The following IRX2 variants were observed in gnomAD, a reference collection of about 807,000 sequenced individuals.
The protein encoded by IRX2 is iroquois-class homeodomain protein IRX-2.
A neutral mutation model predicts 42.9 loss-of-function variants in IRX2; 26 were observed. That is an observed-to-expected ratio of 0.61 (90% CI 0.44 to 0.84). The LOEUF (loss-of-function observed/expected upper bound fraction) is 0.84. Among genes scored for constraint, IRX2 ranks in the 40% least tolerant of loss-of-function variants. The probability of loss-of-function intolerance (pLI) is 0.00; values close to 1 mark genes in which losing one functional copy is unlikely to be tolerated. For missense variants in IRX2, 782 were observed against 713.9 expected, an observed-to-expected ratio of 1.10 and a Z score of -1.09; for synonymous variants, 424 against 353.9, an observed-to-expected ratio of 1.20 and a Z score of -2.22.
the IRX2 span, among the ~76,000 whole-genome samples, chr5:2,735,670 A>T: frequency 1.3e-5 from 2 of 152,226 alleles, no homozygotes; most frequent in African/African-American, 4.8e-5. Flanking sequence ...AACATACAAC[A>T]TGTATAAACA....
chr5:2,743,750 G>C (rs764175965), downstream of IRX2, among the ~76,000 whole-genome samples: 12 of 147,452 alleles, frequency 8.1e-5, no homozygotes, highest in Non-Finnish European at 1.8e-4. Flanking sequence ...TCCAGTGAAA[G>C]ATATCTCTCT....
chr5:2,751,196 G>T lies in IRX2; in HGVS notation c.218C>A (p.Ala73Asp), dbSNP rs968302962. The change falls in exon 1 of 4, where the codon GCC becomes GAC. Residue 73 changes from alanine (A) to aspartate (D), a missense_variant. Coordinates refer to ENST00000302057, the MANE Select transcript of IRX2 (RefSeq NM_033267.5). The surrounding 1 kb of genome is among the most constrained non-coding windows in gnomAD (Gnocchi z 4.0). ...GGACGGGAAGCCGGCGGCGGCGGCGGCGGCGTCGGCCGAGTACTGCAGCGG... is the reference window on the plus strand; with the variant it reads ...GGACGGGAAGCCGGCGGCGGCGGCGTCGGCGTCGGCCGAGTACTGCAGCGG... ...GSPLQYSADA[A>D]AAAAGFPSYM... The T allele has an allele frequency of 8.7e-6, 11 of 1,271,502 alleles. 1 individual carries two copies. The South Asian group carries it at 9.8e-5, about 11-fold the overall frequency. The allele number at this position is 1,271,502 out of a possible 1,614,324, so 78.8% of individuals were successfully genotyped here. A position where few individuals can be genotyped will look rare whatever the true frequency, so the allele number is the denominator to read the frequency against.
rs751032410 is a variant in IRX2, at chr5:2,751,181, CCGGCGGCGG to C, written c.224_232del (p.Ala75_Ala77del). ...CCCGGTTACCATGTAGGACGGGAAG[CCGGCGGCGG>C]CGGCGGCGGCGTCGGCCGAGTACTG... On this transcript the variant is annotated inframe_deletion, in exon 1 of 4. Coordinates refer to ENST00000302057, the MANE Select transcript of IRX2 (RefSeq NM_033267.5). This position sits in a 1 kb window ranked among gnomAD's most constrained non-coding sequence, Gnocchi z 4.0. 3.3e-4 allele frequency: 419 copies of C among 1,266,550 alleles called. No individual in the cohort carries two copies. Among genetic ancestry groups the C allele is most frequent in the Non-Finnish European group, 3.5e-4 (352 of 1,007,942 alleles). 78.5% of individuals were successfully genotyped at this position (1,266,550 alleles called of 1,614,324 possible).
downstream of IRX2, among the ~76,000 whole-genome samples, chr5:2,745,567 C>G (rs893637046): frequency 6.6e-6 from 1 of 152,036 alleles, no homozygotes. Context: ...TTCTTTTCCC[C>G]CAGGGTAAGA....
At position 2,748,895 on chromosome 5, in the gene IRX2, CTCGTCGTCG is replaced by C; in HGVS notation, c.804_812del (p.Asp268_Asp270del). On this transcript the variant is annotated inframe_deletion, in exon 3 of 4. Coordinates refer to ENST00000302057, the MANE Select transcript of IRX2 (RefSeq NM_033267.5). ...GCGGCGCCAGGCCCCGCTCGCCCTC[CTCGTCGTCG>C]TCCTCGTCGTCCTCCAGGTCGTCAT... 6.3e-7 allele frequency: 1 copy of C among 1,595,900 alleles called. No homozygotes were observed. Among genetic ancestry groups the C allele is most frequent in the Admixed American group, 1.7e-5 (1 of 59,878 alleles).
the IRX2 span, among the ~76,000 whole-genome samples, chr5:2,736,181 CG>C: frequency 2.6e-5 from 4 of 152,196 alleles, no homozygotes; most frequent in African/African-American, 9.7e-5. Context: ...CAACAGCCCT[CG>C]GGTAGGTGAT....
chr5:2,749,763 T>G lies in IRX2; in HGVS notation c.274A>C (p.Thr92Pro), dbSNP rs757140200. Residue 92 changes from threonine (T) to proline (P), a missense_variant, in exon 2 of 4, where the codon ACC becomes CCC. This residue lies in a region of IRX2 where 256 missense variants were observed against 250.0 expected (regional missense o/e 1.02). Transcript: ENST00000302057. Reference sequence around the variant, plus strand: ...TAGCTGATGGCGCCGGTCATGCCGGTGGTGTGCGCGTCGTAGGGTGCGCCC... The same window carrying G: ...TAGCTGATGGCGCCGGTCATGCCGGGGGTGTGCGCGTCGTAGGGTGCGCCC... ...YMGAPYDAHT[T>P]GMTGAISYHP... 8.7e-6 allele frequency: 14 copies of G among 1,610,150 alleles called. No individual in the cohort carries two copies. The highest frequency in any genetic ancestry group is 1.3e-5 in the African/African-American group (1 of 74,846).
chr5:2,751,529 GAGGC>G lies in IRX2; in HGVS notation c.-120_-117del. On this transcript the variant is annotated 5_prime_UTR_variant, in exon 1 of 4. Transcript: ENST00000302057. This position sits in a 1 kb window ranked among gnomAD's most constrained non-coding sequence, Gnocchi z 4.0. ...GCGGCGGGCACCCGGACGGCCGGCG[GAGGC>G]AGGCCGGCCCGGGTACTAGCCTGGG... 1.4e-6 allele frequency: 1 copy of G among 696,170 alleles called. No homozygotes were observed. Among genetic ancestry groups the G allele is most frequent in the Non-Finnish European group, 1.8e-6 (1 of 569,738 alleles). The allele number at this position is 696,170 out of a possible 1,614,324, so 43.1% of individuals were successfully genotyped here. A position where few individuals can be genotyped will look rare whatever the true frequency, so the allele number is the denominator to read the frequency against.
Position 2,747,353 on chromosome 5 carries a change from A to G in IRX2, c.*211T>C. The G allele has an allele frequency of 2.1e-6, 1 of 475,176 alleles. No homozygotes were observed. Among genetic ancestry groups the G allele is most frequent in the Non-Finnish European group, 3.8e-6 (1 of 261,476 alleles). The allele number at this position is 475,176 out of a possible 1,614,324, so 29.4% of individuals were successfully genotyped here. A position where few individuals can be genotyped will look rare whatever the true frequency, so the allele number is the denominator to read the frequency against. ...TTCCTTCCCTAGGTAAAGGAGTGATAGAACTTGTGCCAAAAAGAGGGAATC... is the reference window on the plus strand; with the variant it reads ...TTCCTTCCCTAGGTAAAGGAGTGATGGAACTTGTGCCAAAAAGAGGGAATC... On this transcript the variant is annotated 3_prime_UTR_variant, in exon 4 of 4. Transcript: ENST00000302057.
intron 1 of IRX2, among the ~76,000 whole-genome samples, chr5:2,750,612 C>G (rs1404588270): frequency 1.3e-5 from 2 of 152,234 alleles, no homozygotes; most frequent in Admixed American, 1.3e-4. Context: ...GTCCGCTGGA[C>G]AGAGTAAGGC....
downstream of IRX2, chr5:2,746,008 T>A (rs1737652417): frequency 1.3e-5 from 2 of 149,944 alleles, no homozygotes; most frequent in African/African-American, 4.9e-5. Context: ...TTCTCTTCCA[T>A]CTGCCTTTTT....
chr5:2,750,606 G>T (rs1408664375), intron 1 of IRX2, among the ~76,000 whole-genome samples: 3 of 152,198 alleles, frequency 2.0e-5, no homozygotes, highest in Non-Finnish European at 4.4e-5. Flanking sequence ...AGCATGGTCC[G>T]CTGGACAGAG....
At position 2,748,856 on chromosome 5, in the gene IRX2, G is replaced by A. The variant is rs1279024890; in HGVS notation, c.852C>T (p.Thr284=). ...ERGLAPPKPV[T]SSPLTGLEAP... The stretch of plus-strand genomic sequence containing the variant: ...CCTCCAAGCCGGTAAGCGGCGACGA[G>A]GTCACGGGCTTGGGCGGCGCCAGGC... Residue 284 remains threonine (T), a synonymous_variant, in exon 3 of 4, where the codon ACC becomes ACT. Coordinates refer to ENST00000302057, the MANE Select transcript of IRX2 (RefSeq NM_033267.5). The A allele has an allele frequency of 2.5e-6, 4 of 1,586,516 alleles. No homozygotes were observed. In the South Asian group the frequency reaches 4.5e-5, roughly 18 times the overall value.
chr5:2,740,186 GGC>G, the IRX2 span, among the ~76,000 whole-genome samples: 570 of 151,722 alleles, frequency 3.8e-3, 6 homozygotes, highest in African/African-American at 0.012. Context: ...GGCGTGCGGG[GGC>G]GGGGGTCCTG....
At chr5:2,736,744 A>AT in the IRX2 span, 4 of 152,254 alleles carry the variant, frequency 2.6e-5, no homozygotes, top group Middle Eastern at 6.8e-3. Context: ...TTCTGTCTGT[A>AT]TTTTTTTGCA....
In IRX2 at chr5:2,748,857, G is replaced by A. The variant is rs1437060764; in HGVS notation, c.851C>T (p.Thr284Ile). 6.3e-7 allele frequency: 1 copy of A among 1,587,012 alleles called. No individual in the cohort carries two copies. Among genetic ancestry groups the A allele is most frequent in the Non-Finnish European group, 8.5e-7 (1 of 1,175,700 alleles). ...ERGLAPPKPV[T>I]SSPLTGLEAP... ...CTCCAAGCCGGTAAGCGGCGACGAG[G>A]TCACGGGCTTGGGCGGCGCCAGGCC... The change falls in exon 3 of 4, where the codon ACC (threonine) becomes ATC (isoleucine). Residue 284 changes from threonine to isoleucine, a missense_variant. This residue lies in a region of IRX2 where 520 missense variants were observed against 437.8 expected (regional missense o/e 1.19). Transcript: ENST00000302057.
In IRX2 at chr5:2,748,427, C is replaced by A; in HGVS notation, c.1281G>T (p.Ala427=). 6.5e-7 allele frequency: 1 copy of A among 1,535,112 alleles called. No homozygotes were observed. The highest frequency in any genetic ancestry group is 8.7e-7 in the Non-Finnish European group (1 of 1,146,678). The change falls in exon 3 of 4, where the codon GCG becomes GCT. Residue 427 remains alanine (A), a synonymous_variant. Transcript: ENST00000302057. ...CGCCCGCCTTGCCCGCGTCGCTGGC[C>A]GCCTTTGGCGCGGTGTGCAGGGCCT... ...PGEALHTAPK[A]ASDAGKAGAH...
chr5:2,741,729 C>G (rs1326403504), downstream of IRX2, among the ~76,000 whole-genome samples: 1 of 152,188 alleles, frequency 6.6e-6, no homozygotes, highest in East Asian at 1.9e-4. Flanking sequence ...TGTTTCTTCC[C>G]TCTGGGTATT....
At position 2,747,608 on chromosome 5, in the gene IRX2, C is replaced by T. The variant is rs763927679; in HGVS notation, c.1372G>A (p.Glu458Lys). The change falls in exon 4 of 4, where the codon GAG (glutamate) becomes AAG (lysine). Residue 458 changes from glutamate to lysine, a missense_variant. Transcript: ENST00000302057. ...CCCCCGCCAACCACGGTGCAGCCCT[C>T]GCTGGCATCTGTCAGGGGAGTGGGC... ...GGYEPKKDAS[E>K]GCTVVGGGVQ... 1.9e-6 allele frequency: 3 copies of T among 1,613,868 alleles called. No homozygotes were observed. The highest frequency in any genetic ancestry group is 1.7e-6 in the Non-Finnish European group (2 of 1,179,960).
Sources: gnomAD v4.1 joint callset for allele counts (sites outside exome capture counted in the v4.1 genomes callset) on GRCh38, gnomAD v4.1.1 for gene constraint, gnomAD v4.1.1 regional missense constraint, Gnocchi (gnomAD v3.1) non-coding constraint, MANE v1.5 for transcripts, NCBI Gene and HGNC (gene_info 2026-07-23, HGNC 2026-07-21) for gene names.